The following ROBO2 variants were observed in gnomAD, a reference collection of about 807,000 sequenced individuals.
ROBO2 encodes roundabout homolog 2.
ROBO2 carries 53 observed loss-of-function variants against 160.8 expected under a neutral mutation model. That is an observed-to-expected ratio of 0.33 (90% confidence interval 0.26 to 0.41). ROBO2 has a LOEUF of 0.41. ROBO2 is among the 10% of genes least tolerant of loss of function. The probability of loss-of-function intolerance (pLI) is 1.00; values close to 1 mark genes in which losing one functional copy is unlikely to be tolerated. For synonymous variants in ROBO2, 664 were observed against 611.7 expected, an observed-to-expected ratio of 1.09 and a Z score of -1.26; for missense variants, 1,577 against 1,722.4, an observed-to-expected ratio of 0.92 and a Z score of 1.49.
At chr3:76,876,812 T>C (rs2072783056) in intron 2 of ROBO2, among the ~76,000 whole-genome samples, 1 of 152,170 alleles carries the variant, frequency 6.6e-6, no homozygotes, top group Non-Finnish European at 1.5e-5. Context: ...AATAATTGCA[T>C]GCAAGAAGAA....
At chr3:76,923,151 A>G (rs2076771963) in intron 2 of ROBO2, among the ~76,000 whole-genome samples, 1 of 152,210 alleles carries the variant, frequency 6.6e-6, no homozygotes, top group Admixed American at 6.5e-5. Context: ...ATCTTCATCC[A>G]GGTATAAAGA....
intron 16 of ROBO2, among the ~76,000 whole-genome samples, chr3:77,583,813 C>T (rs2093976937): frequency 6.6e-6 from 1 of 152,152 alleles, no homozygotes; most frequent in Non-Finnish European, 1.5e-5. Context: ...CTAGCAGGCA[C>T]ATACATTACT....
chr3:77,633,737 T>C (rs1426125698), intron 23 of ROBO2: 1 of 152,216 alleles, frequency 6.6e-6, no homozygotes, highest in Non-Finnish European at 1.5e-5. Flanking sequence ...GGTTTATTTT[T>C]CAAATAGCAT....
intron 2 of ROBO2, among the ~76,000 whole-genome samples, chr3:76,632,811 CCAACA>C (rs1578724354): frequency 6.6e-6 from 1 of 152,138 alleles, no homozygotes; most frequent in East Asian, 1.9e-4. Context: ...GAAAACATAA[CCAACA>C]CATTAGAATG....
intron 2 of ROBO2, among the ~76,000 whole-genome samples, chr3:75,946,653 A>G (rs1948304637): frequency 6.6e-6 from 1 of 152,042 alleles, no homozygotes; most frequent in Non-Finnish European, 1.5e-5. Flanking sequence ...TACTTTGAAG[A>G]TCTGGGGTGC....
intron 2 of ROBO2, among the ~76,000 whole-genome samples, chr3:77,016,428 C>A (rs900037543): frequency 2.0e-5 from 3 of 152,092 alleles, no homozygotes; most frequent in Non-Finnish European, 2.9e-5. Flanking sequence ...ATTGCAAATA[C>A]CACATTTTCC....
At chr3:77,177,568 T>C in intron 2 of ROBO2, among the ~76,000 whole-genome samples, 1 of 152,022 alleles carries the variant, frequency 6.6e-6, no homozygotes. Context: ...ACTATATTTT[T>C]TTATTTGTAT....
At chr3:77,011,215 A>G (rs531961869) in intron 2 of ROBO2, among the ~76,000 whole-genome samples, 3 of 148,762 alleles carry the variant, frequency 2.0e-5, no homozygotes, top group African/African-American at 7.4e-5. Flanking sequence ...CTGTTTATAT[A>G]CAGAAAGTAA....
chr3:77,072,658 A>G (rs1703044206), intron 1 of ROBO2, among the ~76,000 whole-genome samples: 1 of 152,184 alleles, frequency 6.6e-6, no homozygotes, highest in Non-Finnish European at 1.5e-5. Context: ...CGAAACATAT[A>G]CACAATGGGA....
At chr3:77,092,752 GTAGA>G (rs2070481445) in intron 1 of ROBO2, among the ~76,000 whole-genome samples, 1 of 149,736 alleles carries the variant, frequency 6.7e-6, no homozygotes, top group African/African-American at 2.4e-5. Context: ...AATTAGAATT[GTAGA>G]TAGTTATTTT....
At chr3:76,241,562 G>A (rs540627712) in intron 2 of ROBO2, among the ~76,000 whole-genome samples, 1 of 152,258 alleles carries the variant, frequency 6.6e-6, no homozygotes, top group Non-Finnish European at 1.5e-5. Flanking sequence ...TTAGGTTCAT[G>A]CTCAGTTATA....
intron 2 of ROBO2, among the ~76,000 whole-genome samples, chr3:76,832,584 A>G (rs944142926): frequency 6.6e-6 from 1 of 152,126 alleles, no homozygotes; most frequent in African/African-American, 2.4e-5. Flanking sequence ...AGGCTTCTAG[A>G]ATTAGGTGGG....
chr3:77,569,873 G>A (rs1445005602), intron 13 of ROBO2, among the ~76,000 whole-genome samples: 2 of 151,954 alleles, frequency 1.3e-5, no homozygotes, highest in East Asian at 3.9e-4. Context: ...TATTTTAAGA[G>A]TAATTATGAT....
intron 2 of ROBO2, among the ~76,000 whole-genome samples, chr3:75,957,277 T>A (rs1948755931): frequency 6.7e-6 from 1 of 149,924 alleles, no homozygotes; most frequent in Non-Finnish European, 1.5e-5. Flanking sequence ...ATACACACAT[T>A]AGGTTTTCAT....
intron 1 of ROBO2, among the ~76,000 whole-genome samples, chr3:75,930,540 A>C (rs1476053439): frequency 6.6e-6 from 1 of 152,128 alleles, no homozygotes; most frequent in African/African-American, 2.4e-5. Context: ...TTTTCTCTAC[A>C]CACATACTCT....
intron 3 of ROBO2, among the ~76,000 whole-genome samples, chr3:77,477,875 A>T (rs1347877914): frequency 8.4e-6 from 1 of 118,680 alleles, no homozygotes; most frequent in African/African-American, 3.4e-5. Flanking sequence ...TTGCTCTGTC[A>T]CCCAGGCTGG....
At chr3:75,980,239 G>C (rs182245405) in intron 2 of ROBO2, among the ~76,000 whole-genome samples, 2 of 151,554 alleles carry the variant, frequency 1.3e-5, no homozygotes, top group African/African-American at 4.8e-5. Flanking sequence ...TTTAGAGTAT[G>C]TGGAACATGA....
intron 2 of ROBO2, among the ~76,000 whole-genome samples, chr3:77,226,414 C>T (rs1476362082): frequency 6.6e-6 from 1 of 151,886 alleles, no homozygotes; most frequent in Non-Finnish European, 1.5e-5. Context: ...TATTTTCTTC[C>T]CCTTTTTTCT....
At chr3:76,333,535 A>G (rs1378067131) in intron 2 of ROBO2, among the ~76,000 whole-genome samples, 2 of 152,194 alleles carry the variant, frequency 1.3e-5, no homozygotes, top group Non-Finnish European at 2.9e-5. Flanking sequence ...CTTAATAAAA[A>G]GATGTGGTTG....
Sources: gnomAD v4.1 joint callset for allele counts (sites outside exome capture counted in the v4.1 genomes callset) on GRCh38, gnomAD v4.1.1 for gene constraint, MANE v1.5 for transcripts, NCBI Gene and HGNC (gene_info 2026-07-23, HGNC 2026-07-21) for gene names.